SMYD3: variants seen among roughly 807,000 people sequenced by gnomAD.
SMYD3 encodes the protein SET and MYND domain containing 3.
In SMYD3, 36 loss-of-function variants were observed where a neutral mutation model predicts 57.7. The ratio of observed to expected loss-of-function variants is 0.62; its 90% confidence interval spans 0.48 to 0.82. The LOEUF (loss-of-function observed/expected upper bound fraction) is 0.82. SMYD3 is among the 40% of genes least tolerant of loss of function. The probability of loss-of-function intolerance (pLI) is 0.00; values close to 1 mark genes in which losing one functional copy is unlikely to be tolerated. For synonymous variants in SMYD3, 211 were observed against 195.0 expected, an observed-to-expected ratio of 1.08 and a Z score of -0.68; for missense variants, 515 against 538.8, an observed-to-expected ratio of 0.96 and a Z score of 0.44.
intron 5 of SMYD3, among the ~76,000 whole-genome samples, chr1:246,118,812 CTTTTT>C (rs10623626): frequency 7.2e-6 from 1 of 139,520 alleles, no homozygotes; most frequent in African/African-American, 2.6e-5. Context: ...GAGGCACGTG[CTTTTT>C]TTTTTTTTTT....
At chr1:245,864,940 T>C (rs1369966872) in intron 8 of SMYD3, among the ~76,000 whole-genome samples, 1 of 152,120 alleles carries the variant, frequency 6.6e-6, no homozygotes, top group Admixed American at 6.5e-5. Context: ...ACTGAAAAAA[T>C]TCAAAAGAAA....
At chr1:245,826,404 G>C (rs1443630509) in intron 10 of SMYD3, among the ~76,000 whole-genome samples, 1 of 152,074 alleles carries the variant, frequency 6.6e-6, no homozygotes, top group Admixed American at 6.5e-5. Context: ...AAATAGAGAA[G>C]GGGTCTCACT....
chr1:246,353,036 T>A (rs1022962491), intron 2 of SMYD3, among the ~76,000 whole-genome samples: 2 of 152,156 alleles, frequency 1.3e-5, no homozygotes, highest in Non-Finnish European at 2.9e-5. Flanking sequence ...ACCTAGAACA[T>A]CACCATAAAC....
rs537408195 is a variant in SMYD3 at position 246,018,120 on chromosome 1, A to G, written c.532-88183T>C. 4.5e-4 allele frequency among the ~76,000 whole-genome samples: 69 copies of G among 152,332 alleles called. 2 individuals carry two copies. The South Asian group carries it at 0.014, about 32-fold the overall frequency. Reference sequence around the variant, plus strand: ...GGTGTTACAGTTCCCAGGTCCTCTCAGTGGACACAGCCGGGAAATATACGT... The same window carrying G: ...GGTGTTACAGTTCCCAGGTCCTCTCGGTGGACACAGCCGGGAAATATACGT... On this transcript the variant is annotated intron_variant, in intron 5 of 11. Transcript: ENST00000490107.
chr1:245,923,155 A>G (rs1214407352), intron 7 of SMYD3, among the ~76,000 whole-genome samples: 1 of 152,220 alleles, frequency 6.6e-6, no homozygotes, highest in Non-Finnish European at 1.5e-5. Flanking sequence ...TTGAATGTAC[A>G]CTGAGTAAAA....
intron 5 of SMYD3, among the ~76,000 whole-genome samples, chr1:246,017,583 A>C (rs1050979127): frequency 9.2e-5 from 14 of 152,302 alleles, no homozygotes; most frequent in Admixed American, 7.8e-4. Context: ...CATCACAGTC[A>C]TGATGCTGAG....
At chr1:245,985,323 T>C (rs1441218104) in intron 5 of SMYD3, among the ~76,000 whole-genome samples, 1 of 152,160 alleles carries the variant, frequency 6.6e-6, no homozygotes, top group Non-Finnish European at 1.5e-5. Context: ...CTTCTAAACT[T>C]CAACTACATA....
chr1:246,121,011 A>G (rs1322440809), intron 5 of SMYD3, among the ~76,000 whole-genome samples: 1 of 152,214 alleles, frequency 6.6e-6, no homozygotes, highest in Non-Finnish European at 1.5e-5. Context: ...TACAGTGGGG[A>G]TACAAAAACG....
At chr1:246,221,363 G>A (rs2063251268) in intron 5 of SMYD3, among the ~76,000 whole-genome samples, 1 of 152,170 alleles carries the variant, frequency 6.6e-6, no homozygotes, top group Non-Finnish European at 1.5e-5. Flanking sequence ...CTGGTCACAG[G>A]ACAAGAACTC....
intron 7 of SMYD3, among the ~76,000 whole-genome samples, chr1:245,918,816 A>G (rs2055643067): frequency 6.6e-6 from 1 of 152,134 alleles, no homozygotes; most frequent in Admixed American, 6.5e-5. Flanking sequence ...ATCCAGCCCA[A>G]TGGCTCTTAG....
intron 5 of SMYD3, among the ~76,000 whole-genome samples, chr1:246,002,820 G>A (rs898555017): frequency 3.3e-5 from 5 of 151,850 alleles, no homozygotes; most frequent in Non-Finnish European, 5.9e-5. Flanking sequence ...TGCAATCATC[G>A]CTCACCGCAG....
At chr1:245,990,676 G>A (rs368683675) in intron 5 of SMYD3, among the ~76,000 whole-genome samples, 213 of 152,328 alleles carry the variant, frequency 1.4e-3, no homozygotes, top group African/African-American at 5.0e-3. Context: ...AGAAATAAGA[G>A]TGGCCTCTAG....
At chr1:246,244,142 T>C (rs1268724527) in intron 5 of SMYD3, among the ~76,000 whole-genome samples, 1 of 152,108 alleles carries the variant, frequency 6.6e-6, no homozygotes, top group Non-Finnish European at 1.5e-5. Context: ...CTTTTTACTA[T>C]ACTCTAAACA....
At position 245,952,230 on chromosome 1, in the gene SMYD3, C is replaced by T. The variant is rs957942596; in HGVS notation, c.532-22293G>A. On this transcript the variant is annotated intron_variant, in intron 5 of 11. Transcript: ENST00000490107. Reference sequence around the variant, plus strand: ...CTTGTTTGAAGGGGAAAAAATTAACCAAAGCATTATCAATAAACGACTAAA... The same window carrying T: ...CTTGTTTGAAGGGGAAAAAATTAACTAAAGCATTATCAATAAACGACTAAA... 2.0e-5 allele frequency among the ~76,000 whole-genome samples: 3 copies of T among 151,940 alleles called. No homozygotes were observed. The South Asian group carries it at 6.2e-4, about 32-fold the overall frequency.
chr1:246,350,915 T>A (rs2065811672), intron 2 of SMYD3, among the ~76,000 whole-genome samples: 1 of 152,238 alleles, frequency 6.6e-6, no homozygotes, highest in Non-Finnish European at 1.5e-5. Context: ...GTGTTGACAG[T>A]TAGATACAAA....
chr1:245,750,535 AAAG>A (rs1241799659), intron 11 of SMYD3, among the ~76,000 whole-genome samples: 14 of 152,218 alleles, frequency 9.2e-5, no homozygotes, highest in African/African-American at 3.4e-4. Context: ...ACATTGTAGA[AAAG>A]AAGAAAGCCA....
intron 2 of SMYD3, among the ~76,000 whole-genome samples, chr1:246,348,819 T>A (rs751773427): frequency 4.6e-5 from 7 of 152,104 alleles, no homozygotes; most frequent in Non-Finnish European, 7.4e-5. Context: ...TATAAATTAC[T>A]CAGTGTCAGT....
At chr1:246,403,757 A>ACATGC (rs2102972776) in intron 1 of SMYD3, among the ~76,000 whole-genome samples, 1 of 152,380 alleles carries the variant, frequency 6.6e-6, no homozygotes, top group East Asian at 1.9e-4. Context: ...AATAACACAT[A>ACATGC]CATGCTGAAA....
At chr1:246,071,418 GT>G (rs2060440911) in intron 5 of SMYD3, among the ~76,000 whole-genome samples, 1 of 152,104 alleles carries the variant, frequency 6.6e-6, no homozygotes, top group African/African-American at 2.4e-5. Context: ...TTAAAATAAA[GT>G]TATTGCATTT....
Sources: gnomAD v4.1 joint callset for allele counts (sites outside exome capture counted in the v4.1 genomes callset) on GRCh38, gnomAD v4.1.1 for gene constraint, MANE v1.5 for transcripts, NCBI Gene and HGNC (gene_info 2026-07-23, HGNC 2026-07-21) for gene names.